MRTFB: variants seen among roughly 807,000 people sequenced by gnomAD.
MRTFB encodes the protein myocardin related transcription factor B.
In MRTFB, 29 loss-of-function variants were observed where a neutral mutation model predicts 104.2. The observed-to-expected ratio is 0.28, with a 90% CI of 0.21 to 0.38. The LOEUF (loss-of-function observed/expected upper bound fraction) is 0.38, where lower values mean the gene tolerates loss of function less well. Among genes scored for constraint, MRTFB ranks in the 10% least tolerant of loss-of-function variants. The probability of loss-of-function intolerance (pLI) is 1.00; values close to 1 mark genes in which losing one functional copy is unlikely to be tolerated. For synonymous variants in MRTFB, 535 were observed against 519.5 expected (o/e 1.03, Z -0.41); for missense variants, 1,270 against 1,341.6 (o/e 0.95, Z 0.83).
intron 2 of MRTFB, among the ~76,000 whole-genome samples, chr16:14,122,003 T>A (rs1357784452): frequency 6.6e-6 from 1 of 152,216 alleles, no homozygotes; most frequent in Non-Finnish European, 1.5e-5. Context: ...ACCAGCCTCC[T>A]GACTTTCTTC....
At chr16:14,152,292 CAAGT>C (rs2038653195) in intron 3 of MRTFB, 1 of 151,460 alleles carries the variant, frequency 6.6e-6, no homozygotes, top group South Asian at 2.1e-4. Context: ...TTTGTATAAA[CAAGT>C]ATGTTAAAAA....
At chr16:14,082,340 T>C (rs2034459933) in intron 2 of MRTFB, among the ~76,000 whole-genome samples, 1 of 152,260 alleles carries the variant, frequency 6.6e-6, no homozygotes, top group South Asian at 2.1e-4. Flanking sequence ...CAAAAATCAG[T>C]TGACTGTAAG....
intron 3 of MRTFB, among the ~76,000 whole-genome samples, chr16:14,158,629 T>C (rs1417900915): frequency 2.0e-5 from 3 of 152,198 alleles, no homozygotes; most frequent in Admixed American, 6.5e-5. Flanking sequence ...ATGCTTTTAT[T>C]TTTTATGTAA....
intron 3 of MRTFB, among the ~76,000 whole-genome samples, chr16:14,159,929 C>CAAAAAAAAAGAA (rs2038969669): frequency 1.8e-5 from 1 of 55,628 alleles, no homozygotes; most frequent in Non-Finnish European, 4.2e-5. Context: ...GACTCCGTCT[C>CAAAAAAAAAGAA]AAAAAAAAAA....
chr16:14,068,557 G>A (rs1406943721), upstream of MRTFB, among the ~76,000 whole-genome samples: 1 of 152,098 alleles, frequency 6.6e-6, no homozygotes, highest in African/African-American at 2.4e-5. Flanking sequence ...GTGTGTTGTT[G>A]CGTGTTGTTG....
chr16:14,197,762 A>G (rs1310879585), intron 3 of MRTFB, among the ~76,000 whole-genome samples: 1 of 152,212 alleles, frequency 6.6e-6, no homozygotes, highest in Non-Finnish European at 1.5e-5. Flanking sequence ...TGGGGAATAT[A>G]TAATGTAGTT....
Position 14,212,425 on chromosome 16 carries a change from T to G in MRTFB, c.276+16T>G. The G allele has an allele frequency of 6.2e-7, 1 of 1,611,486 alleles. No individual in the cohort carries two copies. Among genetic ancestry groups the G allele is most frequent in the African/African-American group, 1.3e-5 (1 of 74,976 alleles). ...ACGAGCCAGAGTAAGACATTTCACT[T>G]TAAAATGTTCTACTTCTCTCTCCTT... is the stretch of plus-strand genomic sequence containing the variant. On this transcript the variant is annotated intron_variant, in intron 5 of 16. Transcript: ENST00000571589.
At chr16:14,069,005 T>C (rs112195315), upstream of MRTFB, among the ~76,000 whole-genome samples, 4,071 of 142,436 alleles carry the variant, frequency 0.029, 201 homozygotes, top group African/African-American at 0.098. Context: ...CAGTCTCACT[T>C]GATGCCCAGG....
chr16:14,144,847 G>A (rs2038213262), intron 3 of MRTFB: 1 of 151,304 alleles, frequency 6.6e-6, no homozygotes, highest in South Asian at 2.1e-4. Context: ...TACTCCGGAG[G>A]CTGAGGCAGG....
chr16:14,006,075 G>A, the MRTFB span, among the ~76,000 whole-genome samples: 7 of 152,170 alleles, frequency 4.6e-5, no homozygotes, highest in Non-Finnish European at 8.8e-5. Context: ...GGGTGTGGTG[G>A]CTCACACCTG....
At chr16:14,196,970 T>C (rs1053258350) in intron 3 of MRTFB, among the ~76,000 whole-genome samples, 11 of 135,934 alleles carry the variant, frequency 8.1e-5, no homozygotes, top group South Asian at 2.5e-4. Flanking sequence ...TTTTCTTTTT[T>C]TTTTTTTTTT....
At chr16:13,996,974 C>T in the MRTFB span, among the ~76,000 whole-genome samples, 1 of 152,220 alleles carries the variant, frequency 6.6e-6, no homozygotes, top group Non-Finnish European at 1.5e-5. Context: ...GCGTGATCAG[C>T]ACATTAGGGT....
At chr16:14,093,420 T>A (rs1596788889) in intron 2 of MRTFB, among the ~76,000 whole-genome samples, 2 of 152,248 alleles carry the variant, frequency 1.3e-5, no homozygotes, top group East Asian at 3.9e-4. Context: ...ATGTGAGCCA[T>A]TTTTATTTAT....
chr16:14,259,286 A>C (rs1261103670), intron 16 of MRTFB, among the ~76,000 whole-genome samples: 4 of 149,922 alleles, frequency 2.7e-5, no homozygotes, highest in African/African-American at 9.8e-5. Context: ...AAATACAAAA[A>C]TTAGCAAAAA....
intron 3 of MRTFB, among the ~76,000 whole-genome samples, chr16:14,198,049 A>C (rs2040518122): frequency 6.6e-6 from 1 of 152,186 alleles, no homozygotes; most frequent in African/African-American, 2.4e-5. Context: ...TGAATTTACC[A>C]GTTCTGGATA....
intron 1 of MRTFB, among the ~76,000 whole-genome samples, chr16:14,075,645 C>A (rs1004329127): frequency 6.6e-6 from 1 of 152,214 alleles, no homozygotes; most frequent in Admixed American, 6.5e-5. Flanking sequence ...ACTTTGAGAA[C>A]CATTAGAGTA....
intron 3 of MRTFB, chr16:14,200,612 ATGGT>A (rs1234882447): frequency 1.9e-6 from 3 of 1,588,878 alleles, no homozygotes; most frequent in Admixed American, 3.3e-5. Context: ...AGGTAGACTA[ATGGT>A]TGGCCTACGT....
chr16:14,052,207 A>G, the MRTFB span, among the ~76,000 whole-genome samples: 2 of 152,164 alleles, frequency 1.3e-5, no homozygotes, highest in East Asian at 3.8e-4. Context: ...ATTACATGAA[A>G]TGAGGGAGGA....
chr16:14,173,544 C>T (rs190536868), intron 3 of MRTFB, among the ~76,000 whole-genome samples: 1 of 151,982 alleles, frequency 6.6e-6, no homozygotes, highest in African/African-American at 2.4e-5. Context: ...TTGAATTTGC[C>T]CTACTTGAAG....
Sources: allele counts gnomAD v4.1 joint callset (sites outside exome capture counted in the v4.1 genomes callset), GRCh38; gene constraint gnomAD v4.1.1; transcripts MANE v1.5; gene names NCBI Gene and HGNC (gene_info 2026-07-23, HGNC 2026-07-21).